Variants in PCDHA1 observed in about 807,000 individuals in gnomAD.
PCDHA1 encodes the protein protocadherin alpha 1, also known as protocadherin alpha-1.
Under a neutral mutation model 61.3 loss-of-function variants are expected in PCDHA1, and 42 were observed. That is an observed-to-expected ratio of 0.69 (90% CI 0.54 to 0.89). The LOEUF (loss-of-function observed/expected upper bound fraction) is 0.89. Among genes scored for constraint, PCDHA1 ranks in the 40% least tolerant of loss-of-function variants. The pLI, the probability that PCDHA1 is intolerant of heterozygous loss-of-function variation, is 0.00. For synonymous variants in PCDHA1, 610 were observed against 553.8 expected (o/e 1.10, Z -1.43); for missense variants, 1,256 against 1,235.3 (o/e 1.02, Z -0.25).
intron 3 of PCDHA1, among the ~76,000 whole-genome samples, chr5:141,006,294 C>T (rs2098266534): frequency 6.6e-6 from 1 of 152,048 alleles, no homozygotes; most frequent in African/African-American, 2.4e-5. Flanking sequence ...TCACTGCAAG[C>T]TCCACTTCCC....
intron 3 of PCDHA1, among the ~76,000 whole-genome samples, chr5:141,004,848 CAG>C (rs1554259777): frequency 6.6e-6 from 1 of 152,190 alleles, no homozygotes; most frequent in Non-Finnish European, 1.5e-5. Context: ...TCATTAGTCT[CAG>C]AGAAAAAATT....
chr5:140,993,293 A>T (rs1445204823), intron 3 of PCDHA1, among the ~76,000 whole-genome samples: 1 of 152,062 alleles, frequency 6.6e-6, no homozygotes, highest in Non-Finnish European at 1.5e-5. Context: ...CAGGGTCACA[A>T]CCTTGCCTCC....
chr5:140,793,601 C>T (rs879981232), intron 1 of PCDHA1, among the ~76,000 whole-genome samples: 28 of 152,284 alleles, frequency 1.8e-4, no homozygotes, highest in Non-Finnish European at 3.7e-4. Context: ...AAATTGGTGA[C>T]ATGGTTAGAG....
chr5:140,982,843 A>G (rs782122104), intron 3 of PCDHA1, among the ~76,000 whole-genome samples: 1 of 152,090 alleles, frequency 6.6e-6, no homozygotes, highest in Non-Finnish European at 1.5e-5. Flanking sequence ...GTTTGTTTAA[A>G]TCAGGTACCT....
rs1322462286 is a variant in PCDHA1, at chr5:140,806,943, AGT to A, written c.2394+18265_2394+18266del. The A allele has an allele frequency of 7.0e-6, 4 of 570,470 alleles. No homozygotes were observed. The Admixed American group carries it at 9.6e-5, about 14-fold the overall frequency. The allele number at this position is 570,470 out of a possible 1,614,324, so 35.3% of individuals were successfully genotyped here. ...AATAAAACCAAGTAGTTTACAGTAG[AGT>A]GTGTGGGGGTTTCCACAATTGCTAC... On this transcript the variant is annotated intron_variant, in intron 1 of 3. Transcript: ENST00000504120.
chr5:140,967,627 C>T (rs1218869340), intron 1 of PCDHA1: 5 of 1,614,158 alleles, frequency 3.1e-6, no homozygotes, highest in South Asian at 2.2e-5. Context: ...CGGATGAGGG[C>T]TCCAATGGTG....
At chr5:140,839,890 G>A (rs1168165739) in intron 1 of PCDHA1, among the ~76,000 whole-genome samples, 3 of 151,956 alleles carry the variant, frequency 2.0e-5, no homozygotes, top group African/African-American at 7.3e-5. Flanking sequence ...AATTTTGACA[G>A]AAAAAGATGA....
At chr5:140,811,445 T>C (rs1764870154) in intron 1 of PCDHA1, 1 of 152,238 alleles carries the variant, frequency 6.6e-6, no homozygotes, top group African/African-American at 2.4e-5. Flanking sequence ...TCTTTGCTAT[T>C]GTGAATAGTG....
At chr5:140,913,862 T>G (rs1554196081) in intron 1 of PCDHA1, among the ~76,000 whole-genome samples, 1 of 152,218 alleles carries the variant, frequency 6.6e-6, no homozygotes, top group African/African-American at 2.4e-5. Flanking sequence ...GCATATTGTT[T>G]AATTTCCATG....
At position 140,852,582 on chromosome 5, in the gene PCDHA1, A is replaced by ATTT. The variant is rs527656692; in HGVS notation, c.2394+63908_2394+63910dup. The ATTT allele has an allele frequency of 5.4e-4, 378 of 693,802 alleles. 2 individuals carry two copies. The highest frequency in any genetic ancestry group is 7.4e-4 in the Middle Eastern group (1 of 1,344). The allele number at this position is 693,802 out of a possible 1,614,324, so 43.0% of individuals were successfully genotyped here. On this transcript the variant is annotated intron_variant, in intron 1 of 3. Coordinates refer to ENST00000504120, the MANE Select transcript of PCDHA1 (RefSeq NM_018900.4). ...TGAGCCACTGTGCCAAGGCTTTTTTATTTTTTTTTTTTGTCATTTTCTTTC... is the reference window on the plus strand; with the variant it reads ...TGAGCCACTGTGCCAAGGCTTTTTTATTTTTTTTTTTTTTTGTCATTTTCTTTC...
chr5:140,843,464 C>T lies in PCDHA1; in HGVS notation c.2394+54780C>T. On this transcript the variant is annotated intron_variant, in intron 1 of 3. Transcript: ENST00000504120. ...GGTATCCAGCCTGCTGGTGCTCACG[C>T]TGCTGCTGTACACTGCGCTGCGGTG... 3.1e-6 allele frequency: 5 copies of T among 1,596,058 alleles called. 1 individual carries two copies. The highest frequency in any genetic ancestry group is 4.3e-6 in the Non-Finnish European group (5 of 1,165,644).
intron 1 of PCDHA1, among the ~76,000 whole-genome samples, chr5:140,886,624 G>A (rs1204732273): frequency 6.6e-6 from 1 of 151,636 alleles, no homozygotes; most frequent in African/African-American, 2.4e-5. Context: ...TCAGGAGTCC[G>A]AGACCAGCCT....
At chr5:140,963,659 A>G (rs1474288889) in intron 1 of PCDHA1, among the ~76,000 whole-genome samples, 3 of 152,222 alleles carry the variant, frequency 2.0e-5, no homozygotes. Context: ...TTGATTTCCT[A>G]TATGGCATAG....
At chr5:140,980,347 C>G (rs1329268780) in intron 2 of PCDHA1, among the ~76,000 whole-genome samples, 2 of 152,132 alleles carry the variant, frequency 1.3e-5, no homozygotes, top group African/African-American at 4.8e-5. Context: ...ACATAACTTC[C>G]TGGACTGGGC....
chr5:140,991,642 A>T (rs2097463636), intron 3 of PCDHA1, among the ~76,000 whole-genome samples: 2 of 152,160 alleles, frequency 1.3e-5, no homozygotes, highest in South Asian at 4.1e-4. Flanking sequence ...CAATCTGTTC[A>T]TGACAATTTA....
chr5:140,894,971 G>A (rs1231249838), intron 1 of PCDHA1, among the ~76,000 whole-genome samples: 1 of 152,010 alleles, frequency 6.6e-6, no homozygotes, highest in African/African-American at 2.4e-5. Context: ...ATTTTTTAAT[G>A]TCTTACTTTG....
intron 1 of PCDHA1, chr5:140,856,933 C>T: frequency 5.0e-6 from 8 of 1,593,874 alleles, no homozygotes; most frequent in Non-Finnish European, 6.0e-6. Flanking sequence ...TTTGGATAAA[C>T]GAAAGGACGG....
chr5:140,829,379 G>T (rs150962684), intron 1 of PCDHA1: 1 of 1,614,184 alleles, frequency 6.2e-7, no homozygotes, highest in Non-Finnish European at 8.5e-7. Context: ...CGCGCGGGAC[G>T]GGGGCTCGCC....
intron 1 of PCDHA1, among the ~76,000 whole-genome samples, chr5:140,950,257 G>A (rs1255968081): frequency 6.6e-6 from 1 of 151,952 alleles, no homozygotes; most frequent in Non-Finnish European, 1.5e-5. Context: ...AAAGAGCTGA[G>A]TTTATCCATA....
Sources: gnomAD v4.1 joint callset for allele counts (sites outside exome capture counted in the v4.1 genomes callset) on GRCh38, gnomAD v4.1.1 for gene constraint, MANE v1.5 for transcripts, NCBI Gene and HGNC (gene_info 2026-07-23, HGNC 2026-07-21) for gene names.